Variants in TRPC4 observed in about 807,000 individuals in gnomAD.
TRPC4 encodes transient receptor potential cation channel subfamily C member 4.
TRPC4 carries 49 observed loss-of-function variants against 99.4 expected under a neutral mutation model. The ratio of observed to expected loss-of-function variants is 0.49; its 90% CI spans 0.39 to 0.63. TRPC4 has a LOEUF of 0.63. Ranked by LOEUF, TRPC4 falls within the 20% of genes least tolerant of loss-of-function variation. TRPC4 has a pLI of 0.00. For synonymous variants in TRPC4, 454 were observed against 425.9 expected (o/e 1.07, Z -0.81); for missense variants, 898 against 1,152.9 (o/e 0.78, Z 3.20).
intron 7 of TRPC4, among the ~76,000 whole-genome samples, chr13:37,652,188 C>G (rs1361489419): frequency 6.6e-6 from 1 of 152,220 alleles, no homozygotes; most frequent in Non-Finnish European, 1.5e-5. Flanking sequence ...GACAGCCAGT[C>G]TCTTCTTAAT....
At chr13:37,646,620 AG>A (rs1223277445) in intron 8 of TRPC4, among the ~76,000 whole-genome samples, 11 of 152,246 alleles carry the variant, frequency 7.2e-5, no homozygotes, top group Admixed American at 2.0e-4. Flanking sequence ...AAATTGTGGT[AG>A]ATACCAATGC....
intron 1 of TRPC4, among the ~76,000 whole-genome samples, chr13:37,828,781 T>A (rs1308070532): frequency 6.6e-6 from 1 of 152,150 alleles, no homozygotes; most frequent in Non-Finnish European, 1.5e-5. Flanking sequence ...GAGCTAAGCA[T>A]GGAGTACATA....
chr13:37,824,081 G>T (rs1013092945), intron 1 of TRPC4, among the ~76,000 whole-genome samples: 1 of 147,806 alleles, frequency 6.8e-6, no homozygotes, highest in African/African-American at 2.5e-5. Flanking sequence ...TTTGTCTGTT[G>T]TTGGTGTATA....
chr13:37,675,907 A>G (rs1056363943), intron 4 of TRPC4, among the ~76,000 whole-genome samples: 19 of 152,194 alleles, frequency 1.2e-4, no homozygotes, highest in Admixed American at 1.3e-4. Context: ...CCTCTGAGGC[A>G]TAGATGTACA....
intron 2 of TRPC4, among the ~76,000 whole-genome samples, chr13:37,752,996 A>G (rs1955978360): frequency 6.6e-6 from 1 of 152,096 alleles, no homozygotes; most frequent in Admixed American, 6.6e-5. Context: ...ACACACGCAC[A>G]CACACACACA....
intron 1 of TRPC4, among the ~76,000 whole-genome samples, 184 bp from the exon 2 acceptor site, chr13:37,783,544 A>T (rs79264213): frequency 0.029 from 4,350 of 152,080 alleles, 113 homozygotes; most frequent in South Asian, 0.08. Flanking sequence ...AATTATGTGG[A>T]AACAAAGTTT....
intron 8 of TRPC4, among the ~76,000 whole-genome samples, chr13:37,643,973 C>T (rs146690058): frequency 1.6e-4 from 24 of 152,216 alleles, no homozygotes; most frequent in Non-Finnish European, 2.9e-4. Flanking sequence ...CTAGTATAAT[C>T]TCGCCTTAAC....
chr13:37,759,174 T>C (rs1363574583), intron 2 of TRPC4, among the ~76,000 whole-genome samples: 1 of 151,806 alleles, frequency 6.6e-6, no homozygotes, highest in Admixed American at 6.6e-5. Context: ...TTTTTATTTA[T>C]TTGAAAAAGC....
chr13:37,757,199 T>C (rs967606849), intron 2 of TRPC4, among the ~76,000 whole-genome samples: 2 of 152,082 alleles, frequency 1.3e-5, no homozygotes, highest in African/African-American at 4.8e-5. Context: ...ATCAGATATA[T>C]AGTGTAATAG....
intron 4 of TRPC4, among the ~76,000 whole-genome samples, chr13:37,685,847 T>C (rs1953454511): frequency 6.6e-6 from 1 of 152,182 alleles, no homozygotes; most frequent in Non-Finnish European, 1.5e-5. Context: ...AACTGAAATC[T>C]TCATTAATAT....
At chr13:37,822,080 C>T (rs937542409) in intron 1 of TRPC4, among the ~76,000 whole-genome samples, 1 of 151,814 alleles carries the variant, frequency 6.6e-6, no homozygotes, top group Admixed American at 6.6e-5. Flanking sequence ...GTCTAATATC[C>T]AGAATATATA....
intron 1 of TRPC4, among the ~76,000 whole-genome samples, chr13:37,813,169 G>A (rs1285610233): frequency 6.6e-6 from 1 of 151,672 alleles, no homozygotes; most frequent in African/African-American, 2.4e-5. Flanking sequence ...ATAAATCAAA[G>A]AAGAAATCAT....
At chr13:37,854,081 A>G (rs1959124116) in intron 1 of TRPC4, among the ~76,000 whole-genome samples, 1 of 152,152 alleles carries the variant, frequency 6.6e-6, no homozygotes, top group South Asian at 2.1e-4. Context: ...AAAAGGTTAT[A>G]GAACACCTAG....
At chr13:37,693,065 T>C (rs1174967118) in intron 3 of TRPC4, among the ~76,000 whole-genome samples, 4 of 32,730 alleles carry the variant, frequency 1.2e-4, no homozygotes, top group African/African-American at 4.4e-4. Context: ...TGGACACTAC[T>C]TACTGTATGT....
At chr13:37,864,213 T>A (rs1231606122) in intron 1 of TRPC4, among the ~76,000 whole-genome samples, 2 of 151,688 alleles carry the variant, frequency 1.3e-5, no homozygotes, top group Non-Finnish European at 3.0e-5. Context: ...TTTAGTTCAG[T>A]AAGCATTCCT....
At chr13:37,669,889 A>T (rs1328179154) in intron 5 of TRPC4, among the ~76,000 whole-genome samples, 2 of 152,158 alleles carry the variant, frequency 1.3e-5, no homozygotes, top group Non-Finnish European at 2.9e-5. Flanking sequence ...TATGAATGTC[A>T]TGAACTGAAT....
chr13:37,729,010 C>G (rs1387415319), intron 3 of TRPC4, among the ~76,000 whole-genome samples: 2 of 151,930 alleles, frequency 1.3e-5, no homozygotes, highest in East Asian at 3.9e-4. Flanking sequence ...CTTGCCATAC[C>G]AAAAATTAAC....
intron 1 of TRPC4, among the ~76,000 whole-genome samples, chr13:37,850,042 A>C (rs1247221664): frequency 6.6e-6 from 1 of 152,248 alleles, no homozygotes; most frequent in Non-Finnish European, 1.5e-5. Flanking sequence ...TCTTAAAATC[A>C]TGTGATCTGG....
chr13:37,684,945 G>C (rs750692101), intron 4 of TRPC4, among the ~76,000 whole-genome samples: 7 of 151,846 alleles, frequency 4.6e-5, no homozygotes, highest in Non-Finnish European at 8.8e-5. Flanking sequence ...CATATCAAAG[G>C]ACTTATTCTT....
Sources: allele counts gnomAD v4.1 joint callset (sites outside exome capture counted in the v4.1 genomes callset), GRCh38; gene constraint gnomAD v4.1.1; transcripts MANE v1.5; gene names NCBI Gene and HGNC (gene_info 2026-07-23, HGNC 2026-07-21).